The following FGA variants were observed in gnomAD, a reference collection of about 807,000 sequenced individuals.
FGA encodes fibrinogen, A alpha polypeptide.
Under a neutral mutation model 20.3 loss-of-function variants are expected in FGA, and 20 were observed. That is an observed-to-expected ratio of 0.99 (90% confidence interval 0.69 to 1.43). The LOEUF (loss-of-function observed/expected upper bound fraction) is 1.43. FGA is among the 40% of genes most tolerant of loss of function. The probability of loss-of-function intolerance (pLI) is 0.00; values close to 1 mark genes in which losing one functional copy is unlikely to be tolerated. For synonymous variants in FGA, 306 were observed against 281.6 expected, an observed-to-expected ratio of 1.09 and a Z score of -0.87; for missense variants, 777 against 784.7, an observed-to-expected ratio of 0.99 and a Z score of 0.12.
chr4:154,584,490 G>A (rs1490516042), downstream of FGA: 6 of 1,614,020 alleles, frequency 3.7e-6, no homozygotes, highest in Middle Eastern at 1.6e-4. Context: ...CAGCCTCAGA[G>A]CCTACCCGGA....
chr4:154,590,533 A>AG (rs1163389929), intron 1 of FGA, 101 bp downstream of exon 1: 2 of 1,018,714 alleles, frequency 2.0e-6, no homozygotes, highest in East Asian at 5.2e-5. Context: ...CATAAAGCTA[A>AG]GAGTGTGTCA....
At position 154,589,581 on chromosome 4, in the gene FGA, A is replaced by T; in HGVS notation, c.55-19T>A. ...CTGCAGTCTTTAAAGATTCATTCAC[A>T]TACACAAAAGAGAGCAACAGCAATG... On this transcript the variant is annotated intron_variant, in intron 1 of 4. Coordinates refer to ENST00000403106, the MANE Select transcript of FGA (RefSeq NM_021871.4). The T allele has an allele frequency of 6.2e-7, 1 of 1,611,292 alleles. No homozygotes were observed.
downstream of FGA, chr4:154,584,640 A>G: frequency 6.2e-7 from 1 of 1,613,828 alleles, no homozygotes; most frequent in Non-Finnish European, 8.5e-7. Flanking sequence ...GGCTGCCGAA[A>G]CCTCTCTTGT....
downstream of FGA, chr4:154,584,089 A>AGAAGACAGAATGCTCCCATTCCCACTTC (rs1553963830): frequency 1.5e-6 from 2 of 1,369,320 alleles, no homozygotes; most frequent in South Asian, 1.2e-5. Flanking sequence ...TCTCTAGCAA[A>AGAAGACAGAATGCTCCCATTCCCACTTC]GAAGACAGAG....
chr4:154,583,718 T>G, downstream of FGA: 1 of 182,922 alleles, frequency 5.5e-6, no homozygotes, highest in Non-Finnish European at 1.2e-5. Flanking sequence ...TACCTTAAAA[T>G]ATTGGCTTAA....
chr4:154,586,013 A>C lies in FGA; in HGVS notation c.1416T>G (p.Pro472=). The C allele has an allele frequency of 6.2e-7, 1 of 1,614,190 alleles. No individual in the cohort carries two copies. Among genetic ancestry groups the C allele is most frequent in the Non-Finnish European group, 8.5e-7 (1 of 1,180,014 alleles). ...SKTVTKTVIG[P]DGHKEVTKEV... ...CTTTGGTAACTTCTTTGTGACCATCAGGACCAATAACAGTCTTAGTAACGG... is the reference window on the plus strand; with the variant it reads ...CTTTGGTAACTTCTTTGTGACCATCCGGACCAATAACAGTCTTAGTAACGG... Residue 472 remains proline (P), a synonymous_variant, in exon 5 of 5, where the codon CCT becomes CCG. Transcript: ENST00000403106.
intron 2 of FGA, 131 bp from the exon 3 acceptor site, chr4:154,589,107 G>A (rs1165476970): frequency 6.1e-6 from 5 of 823,328 alleles, no homozygotes; most frequent in African/African-American, 5.1e-5. Flanking sequence ...AAGTAGGTAA[G>A]AGGACTAGTT....
chr4:154,585,195 T>G (rs1578794362), downstream of FGA: 2 of 1,281,684 alleles, frequency 1.6e-6, no homozygotes, highest in Non-Finnish European at 2.0e-6. Context: ...GATTAATCAG[T>G]TGGGTGACAA....
At position 154,585,511 on chromosome 4, in the gene FGA, G is replaced by C. The variant is rs199571440; in HGVS notation, c.1918C>G (p.Pro640Ala). The change falls in exon 5 of 5, where the codon CCT becomes GCT. Residue 640 changes from proline (P) to alanine (A), a missense_variant. Pro to Ala is a conservative substitution (Grantham distance 27). Coordinates refer to ENST00000403106, the MANE Select transcript of FGA (RefSeq NM_021871.4). ...AACTTAGTCTAGGGGGACAGGGAAG[G>C]CTTCCCCAAAGGAGAAGTGTGGATA... ...RGIHTSPLGK[P>A]SLSP 3.3e-5 allele frequency: 52 copies of C among 1,594,996 alleles called. No homozygotes were observed. In the East Asian group the frequency reaches 1.1e-3, roughly 33 times the overall value.
At position 154,585,889 on chromosome 4, in the gene FGA, G is replaced by A. The variant is rs1264783530; in HGVS notation, c.1540C>T (p.Pro514Ser). ...GTLDGFRHRH[P>S]DEAAFFDTAS... ...GTGTCGAAGAAGGCAGCTTCATCAG[G>A]GTGCCTATGGCGGAACCCATCCAGA... The change falls in exon 5 of 5, where the codon CCT becomes TCT. Residue 514 changes from proline (P) to serine (S), a missense_variant. Pro to Ser is a moderately conservative substitution (Grantham distance 74). Coordinates refer to ENST00000403106, the MANE Select transcript of FGA (RefSeq NM_021871.4). 6.2e-7 allele frequency: 1 copy of A among 1,614,036 alleles called. No homozygotes were observed. Among genetic ancestry groups the A allele is most frequent in the Non-Finnish European group, 8.5e-7 (1 of 1,179,944 alleles).
Position 154,585,811 on chromosome 4 carries a change from A to C in FGA, c.1618T>G (p.Phe540Val). Residue 540 changes from phenylalanine to valine, a missense_variant, in exon 5 of 5, where the codon TTT (phenylalanine) becomes GTT (valine). Phe to Val is a conservative substitution (Grantham distance 50). Transcript: ENST00000403106. ...PGFFSPMLGEFVSETESRGSE... is the reference protein window; with the variant it reads ...PGFFSPMLGEVVSETESRGSE... ...CCCCTAGACTCAGTCTCACTGACAA[A>C]CTCTCCTAACATAGGTGAGAAGAAA... 4 of 1,614,046 alleles carry C rather than the reference A, an allele frequency of 2.5e-6. No homozygotes were observed. Among genetic ancestry groups the C allele is most frequent in the Non-Finnish European group, 3.4e-6 (4 of 1,180,006 alleles).
chr4:154,586,424 G>T lies in FGA; in HGVS notation c.1005C>A (p.Asn335Lys), dbSNP rs1427797242. The T allele has an allele frequency of 6.2e-6, 10 of 1,611,600 alleles. No individual in the cohort carries two copies. Among genetic ancestry groups the T allele is most frequent in the Non-Finnish European group, 8.5e-6 (10 of 1,178,666 alleles). Residue 335 changes from asparagine (N) to lysine (K), a missense_variant, in exon 5 of 5, where the codon AAC becomes AAA. Asn to Lys is a moderately conservative substitution (Grantham distance 94, BLOSUM62 0). Coordinates refer to ENST00000403106, the MANE Select transcript of FGA (RefSeq NM_021871.4). Reference protein sequence around the residue: ...SSGPGSTGSWNSGSSGTGSTG... With the variant: ...SSGPGSTGSWKSGSSGTGSTG... The stretch of plus-strand genomic sequence containing the variant: ...TACTTCCAGTTCCAGAGCTCCCAGA[G>T]TTCCAGCTTCCAGTACTTCCAGGTC...
chr4:154,590,626 G>A lies in FGA; in HGVS notation c.54+8C>T. ...GAAAGCAAGAAGAAAAAATGAAAAGGGCCATACCCATGCTGTGCCCACCAC... is the reference window on the plus strand; with the variant it reads ...GAAAGCAAGAAGAAAAAATGAAAAGAGCCATACCCATGCTGTGCCCACCAC... On this transcript the variant is annotated splice_region_variant and intron_variant, in intron 1 of 4. Transcript: ENST00000403106. 2.6e-6 allele frequency: 4 copies of A among 1,553,476 alleles called. No individual in the cohort carries two copies. The highest frequency in any genetic ancestry group is 3.5e-6 in the Non-Finnish European group (4 of 1,147,158).
At position 154,586,769 on chromosome 4, in the gene FGA, G is replaced by A. The variant is rs776434676; in HGVS notation, c.660C>T (p.His220=). The part of the protein sequence containing the change: ...KDLLPSRDRQ[H]LPLIKMKPVP... ...CTGGTTTCATTTTTATCAGTGGTAAGTGTTGCCTATCTCTAGAGGGAAGTA... is the reference window on the plus strand; with the variant it reads ...CTGGTTTCATTTTTATCAGTGGTAAATGTTGCCTATCTCTAGAGGGAAGTA... Residue 220 remains histidine (H), a synonymous_variant, in exon 5 of 5, where the codon CAC becomes CAT. Transcript: ENST00000403106. The A allele has an allele frequency of 6.2e-7, 1 of 1,614,172 alleles. No homozygotes were observed. The highest frequency in any genetic ancestry group is 8.5e-7 in the Non-Finnish European group (1 of 1,180,028).
At chr4:154,590,065 G>A (rs1045038085) in intron 1 of FGA, among the ~76,000 whole-genome samples, 19 of 152,128 alleles carry the variant, frequency 1.2e-4, no homozygotes, top group African/African-American at 4.6e-4. Context: ...TAATTTAAAA[G>A]AATACCATTA....
rs781476643 is a variant in FGA, at chr4:154,590,670, G to C, written c.18C>G (p.Ile6Met). 1 of 1,557,514 alleles carries C rather than the reference G, an allele frequency of 6.4e-7. No individual in the cohort carries two copies. The highest frequency in any genetic ancestry group is 1.2e-5 in the South Asian group (1 of 84,444). MFSMR[I>M]VCLVLSVVGT... Reference sequence around the variant, plus strand: ...CCACCACACTTAGGACCAGGCAGACGATCCTCATGGAAAACATCTTTTCTA... The same window carrying C: ...CCACCACACTTAGGACCAGGCAGACCATCCTCATGGAAAACATCTTTTCTA... Residue 6 changes from isoleucine to methionine, a missense_variant, in exon 1 of 5, where the codon ATC becomes ATG. Physicochemically the swap from Ile to Met is conservative, Grantham distance 10. Coordinates refer to ENST00000403106, the MANE Select transcript of FGA (RefSeq NM_021871.4).
At chr4:154,584,647 T>G (rs1264728116), downstream of FGA, 1 of 1,614,144 alleles carries the variant, frequency 6.2e-7, no homozygotes, top group South Asian at 1.1e-5. Flanking sequence ...GAAACCTCTC[T>G]TGTAGTCTTG....
rs1197989278 is a variant in FGA, at chr4:154,587,569, A to G, written c.453T>C (p.His151=). The G allele has an allele frequency of 6.2e-7, 1 of 1,614,024 alleles. No individual in the cohort carries two copies. The highest frequency in any genetic ancestry group is 8.5e-7 in the Non-Finnish European group (1 of 1,179,952). Residue 151 remains histidine (H), a synonymous_variant, in exon 4 of 5, where the codon CAT becomes CAC. Transcript: ENST00000403106. The part of the protein sequence containing the change: ...LKRKVIEKVQ[H]IQLLQKNVRA... ...TAACATTTTTCTGCAGAAGCTGGATATGCTGTACTTTTTCTATGACTTTGC... is the reference window on the plus strand; with the variant it reads ...TAACATTTTTCTGCAGAAGCTGGATGTGCTGTACTTTTTCTATGACTTTGC...
At chr4:154,584,221 T>A, downstream of FGA, 2 of 1,608,804 alleles carry the variant, frequency 1.2e-6, no homozygotes, top group Non-Finnish European at 1.7e-6. Flanking sequence ...CTCAATCTCA[T>A]AAGGACTGTT....
Sources: gnomAD v4.1 joint callset for allele counts (sites outside exome capture counted in the v4.1 genomes callset) on GRCh38, gnomAD v4.1.1 for gene constraint, MANE v1.5 for transcripts, NCBI Gene and HGNC (gene_info 2026-07-23, HGNC 2026-07-21) for gene names.